PNPLA7: variants seen among roughly 807,000 people sequenced by gnomAD.
PNPLA7 encodes patatin-like phospholipase domain-containing protein 7.
PNPLA7 carries 153 observed loss-of-function variants against 161.7 expected under a neutral mutation model. That is an observed-to-expected ratio of 0.95 (90% confidence interval 0.83 to 1.08). PNPLA7 has a LOEUF of 1.08. Ranked by LOEUF, PNPLA7 falls within the 50% of genes least tolerant of loss-of-function variation. PNPLA7 has a pLI of 0.00. For missense variants in PNPLA7, 1,739 were observed against 1,856.6 expected, an observed-to-expected ratio of 0.94 and a Z score of 1.16; for synonymous variants, 809 against 782.1, an observed-to-expected ratio of 1.03 and a Z score of -0.57.
rs751047185 is a variant in PNPLA7 at position 137,524,808 on chromosome 9, G to A, written c.748-1951C>T. ...TGGAATGGGTTTCCGTGGATGCCCC[G>A]TGGAATGAGTTTCCGTGGATGCCCC... On this transcript the variant is annotated intron_variant, in intron 8 of 34. Coordinates refer to ENST00000406427, the MANE Select transcript of PNPLA7 (RefSeq NM_001098537.3). The surrounding 1 kb of genome is among the most constrained non-coding windows in gnomAD (Gnocchi z 4.4). 2.6e-5 allele frequency among the ~76,000 whole-genome samples: 4 copies of A among 151,568 alleles called. No individual in the cohort carries two copies. The highest frequency in any genetic ancestry group is 4.9e-5 in the African/African-American group (2 of 41,204).
rs12788 is a variant in PNPLA7 at position 137,522,823 on chromosome 9, C to T, written c.782G>A (p.Arg261His). The part of the protein sequence containing the change: ...HAAPYKTVSV[R>H]AAIPSTILRL... ...GAGGATGGTGGACGGGATGGCCGCG[C>T]GGACGGAGACCGTTTTGTAAGGTGC... is the stretch of plus-strand genomic sequence containing the variant. The change falls in exon 9 of 35, where the codon CGC becomes CAC. Residue 261 changes from arginine (R) to histidine (H), a missense_variant. Around this residue, in one of 6 missense-constraint regions of PNPLA7, gnomAD observed 152 missense variants for 193.5 expected, o/e 0.79. Coordinates refer to ENST00000406427, the MANE Select transcript of PNPLA7 (RefSeq NM_001098537.3). 2.8e-3 allele frequency: 4,529 copies of T among 1,613,660 alleles called. 95 individuals carry two copies. The African/African-American group carries it at 0.05, about 18-fold the overall frequency.
chr9:137,510,792 A>T (rs1321985086), intron 12 of PNPLA7, among the ~76,000 whole-genome samples: 1 of 152,196 alleles, frequency 6.6e-6, no homozygotes, highest in Non-Finnish European at 1.5e-5. Context: ...CTGAAACGCC[A>T]CCAGGCAGTG....
At chr9:137,487,904 A>C (rs1405956955) in intron 20 of PNPLA7, among the ~76,000 whole-genome samples, 1 of 152,238 alleles carries the variant, frequency 6.6e-6, no homozygotes, top group Non-Finnish European at 1.5e-5. Context: ...CACCGCACGC[A>C]CTTCAGCCCC....
In PNPLA7 at chr9:137,463,548, G is replaced by A; in HGVS notation, c.3227-17C>T. 6.5e-7 allele frequency: 1 copy of A among 1,550,342 alleles called. No homozygotes were observed. On this transcript the variant is annotated splice_polypyrimidine_tract_variant and intron_variant, in intron 28 of 34. Coordinates refer to ENST00000406427, the MANE Select transcript of PNPLA7 (RefSeq NM_001098537.3). The stretch of plus-strand genomic sequence containing the variant: ...ACAGGGAGCCTGGGGAGGGGGCCCG[G>A]AGCTGCTGGTTACCCGGAGGAGGCT...
At chr9:137,467,000 C>T (rs1289448788) in intron 26 of PNPLA7, among the ~76,000 whole-genome samples, 4 of 143,800 alleles carry the variant, frequency 2.8e-5, no homozygotes, top group Non-Finnish European at 4.5e-5. Context: ...ATCTCAGACC[C>T]GTGCACAGAT....
At chr9:137,480,720 C>T (rs1832175343) in intron 22 of PNPLA7, 3 of 716,014 alleles carry the variant, frequency 4.2e-6, no homozygotes, top group East Asian at 5.5e-5. Flanking sequence ...GAGAGTGAGA[C>T]CCGGGGCTGC....
At position 137,494,891 on chromosome 9, in the gene PNPLA7, G is replaced by A. The variant is rs10125393; in HGVS notation, c.2127+142C>T. 3.9e-3 allele frequency: 2,853 copies of A among 739,476 alleles called. 58 individuals carry two copies. In the African/African-American group the frequency reaches 0.044, roughly 11 times the overall value. 45.8% of individuals were successfully genotyped at this position (739,476 alleles called of 1,614,324 possible). ...CCTGCTCCGTGACCTCATCCACTCCGCGCCTTCACCTGCTCTGCGCTCTCA... is the reference window on the plus strand; with the variant it reads ...CCTGCTCCGTGACCTCATCCACTCCACGCCTTCACCTGCTCTGCGCTCTCA... On this transcript the variant is annotated intron_variant, in intron 19 of 34. Coordinates refer to ENST00000406427, the MANE Select transcript of PNPLA7 (RefSeq NM_001098537.3).
Position 137,519,946 on chromosome 9 carries a change from G to A in PNPLA7, c.1055C>T (p.Pro352Leu). The change falls in exon 11 of 35, where the codon CCA becomes CTA. Residue 352 changes from proline to leucine, a missense_variant. Pro to Leu is a moderately conservative substitution (Grantham distance 98). This residue lies in a region of PNPLA7 where 152 missense variants were observed against 193.5 expected (regional missense o/e 0.79). Coordinates refer to ENST00000406427, the MANE Select transcript of PNPLA7 (RefSeq NM_001098537.3). ...FYGEEERLKK[P>L]PRLQESCDSD... ...GTCACAGGACTCCTGGAGCCGCGGT[G>A]GCTTTTTAAGCCGCTCTTCTTCGCC... The A allele has an allele frequency of 6.2e-7, 1 of 1,612,792 alleles. No homozygotes were observed.
chr9:137,485,599 C>T (rs1472513767), intron 20 of PNPLA7, among the ~76,000 whole-genome samples: 2 of 152,268 alleles, frequency 1.3e-5, no homozygotes, highest in Non-Finnish European at 2.9e-5. Flanking sequence ...AACACACGGG[C>T]TAGACATCAA....
At position 137,522,647 on chromosome 9, in the gene PNPLA7, C is replaced by A; in HGVS notation, c.876+82G>T. The A allele has an allele frequency of 2.0e-6, 3 of 1,486,940 alleles. No homozygotes were observed. The Admixed American group carries it at 5.4e-5, about 27-fold the overall frequency. 92.1% of individuals were successfully genotyped at this position (1,486,940 alleles called of 1,614,324 possible). A position where few individuals can be genotyped will look rare whatever the true frequency, so the allele number is the denominator to read the frequency against. On this transcript the variant is annotated intron_variant, in intron 9 of 34. Coordinates refer to ENST00000406427, the MANE Select transcript of PNPLA7 (RefSeq NM_001098537.3). ...CTGAGAAAGTAAGTGGGCAATAAAC[C>A]CACTCAAATCCCAAACCAGTGCCCA... is the stretch of plus-strand genomic sequence containing the variant.
chr9:137,514,596 C>T (rs1329151486), intron 12 of PNPLA7, among the ~76,000 whole-genome samples: 34 of 94,544 alleles, frequency 3.6e-4, no homozygotes, highest in Middle Eastern at 0.01. Context: ...GCGGGTCACC[C>T]GGCTGTTGAG....
At position 137,461,637 on chromosome 9, in the gene PNPLA7, G is replaced by A; in HGVS notation, c.3757-17C>T. The A allele has an allele frequency of 1.3e-6, 2 of 1,591,274 alleles. No homozygotes were observed. Among genetic ancestry groups the A allele is most frequent in the Non-Finnish European group, 1.7e-6 (2 of 1,166,018 alleles). ...GGTGAGGACCTAGGGGTGGGGTGAG[G>A]ACAGCACGTTGCCTGTGGACACCCG... On this transcript the variant is annotated splice_polypyrimidine_tract_variant and intron_variant, in intron 32 of 34. Transcript: ENST00000406427.
In PNPLA7 at chr9:137,500,860, G is replaced by A; in HGVS notation, c.1588C>T (p.His530Tyr). 1 of 1,590,692 alleles carries A rather than the reference G, an allele frequency of 6.3e-7. No homozygotes were observed. The highest frequency in any genetic ancestry group is 8.5e-7 in the Non-Finnish European group (1 of 1,171,154). Residue 530 changes from histidine (H) to tyrosine (Y), a missense_variant, in exon 16 of 35, where the codon CAC becomes TAC. By Grantham distance (83) the His-to-Tyr change is moderately conservative. Transcript: ENST00000406427. This position sits in a 1 kb window ranked among gnomAD's most constrained non-coding sequence, Gnocchi z 5.5. The stretch of plus-strand genomic sequence containing the variant: ...CTGCCGATCTTCCGCTGGTACACGT[G>A]CAGCAGCCCCGAGACCACGAACAGG... ...SILFVVSGLL[H>Y]VYQRKIGSQE...
Position 137,462,747 on chromosome 9 carries a change from C to T in PNPLA7, c.3430G>A (p.Asp1144Asn), listed in dbSNP as rs772519440. 16 of 1,614,034 alleles carry T rather than the reference C, an allele frequency of 9.9e-6. No individual in the cohort carries two copies. In the South Asian group the frequency reaches 1.5e-4, roughly 16 times the overall value. The change falls in exon 30 of 35, where the codon GAT becomes AAT. Residue 1144 changes from aspartate (D) to asparagine (N), a missense_variant. Transcript: ENST00000406427. ...RDETDLTNYG[D>N]ALSGWWLLWK... ...AGCAGCCACCACCCAGACAGCGCAT[C>T]CCCATAGTTGGTGAGGTCCGTCTCA...
At chr9:137,465,487 G>A (rs944036709) in intron 26 of PNPLA7, among the ~76,000 whole-genome samples, 1 of 152,194 alleles carries the variant, frequency 6.6e-6, no homozygotes, top group Admixed American at 6.5e-5. Flanking sequence ...GGACCGGCTC[G>A]GAGCCACCTC....
Position 137,541,993 on chromosome 9 carries a change from G to C in PNPLA7, c.666+649C>G, listed in dbSNP as rs1836231881. Among the ~76,000 whole-genome samples, 3 of 152,160 alleles carry C rather than the reference G, an allele frequency of 2.0e-5. No homozygotes were observed. In the South Asian group the frequency reaches 6.2e-4, roughly 31 times the overall value. ...GACGGGGTCTCACTACTTCGTCCAA[G>C]CTGGTCTCTAAGCCGTGGGCTCAGG... On this transcript the variant is annotated intron_variant, in intron 7 of 34. Transcript: ENST00000406427. This position sits in a 1 kb window ranked among gnomAD's most constrained non-coding sequence, Gnocchi z 4.4.
At chr9:137,516,569 G>A (rs1834582288) in intron 11 of PNPLA7, 1 of 978,342 alleles carries the variant, frequency 1.0e-6, no homozygotes, top group Non-Finnish European at 1.2e-6. Flanking sequence ...AACAATTTGG[G>A]AGGCCAAGGT....
rs1835120394 is a variant in PNPLA7, at chr9:137,523,185, C to T, written c.748-328G>A. 6.6e-6 allele frequency among the ~76,000 whole-genome samples: 1 copy of T among 152,176 alleles called. No homozygotes were observed. The highest frequency in any genetic ancestry group is 2.4e-5 in the African/African-American group (1 of 41,424). On this transcript the variant is annotated intron_variant, in intron 8 of 34. Transcript: ENST00000406427. The surrounding 1 kb of genome is among the most constrained non-coding windows in gnomAD (Gnocchi z 4.4). Reference sequence around the variant, plus strand: ...TGCCACTGAGGCTCACGGACCAGCTCACCAGCGTCCTACTCTACGTCCGAC... The same window carrying T: ...TGCCACTGAGGCTCACGGACCAGCTTACCAGCGTCCTACTCTACGTCCGAC...
intron 12 of PNPLA7, 147 bp from the exon 13 acceptor site, chr9:137,506,230 C>G (rs1440240990): frequency 1.6e-6 from 1 of 632,636 alleles, no homozygotes; most frequent in Non-Finnish European, 2.8e-6. Flanking sequence ...CCTCCACACC[C>G]TGCTTTCTTT....
Sources: allele counts gnomAD v4.1 joint callset (sites outside exome capture counted in the v4.1 genomes callset), GRCh38; gene constraint gnomAD v4.1.1; regional missense constraint gnomAD v4.1.1; non-coding constraint Gnocchi (gnomAD v3.1); transcripts MANE v1.5; gene names NCBI Gene and HGNC (gene_info 2026-07-23, HGNC 2026-07-21).